CALN1: variants seen among roughly 807,000 people sequenced by gnomAD.
The protein encoded by CALN1 is calneuron 1.
CALN1 carries 17 observed loss-of-function variants against 30.6 expected under a neutral mutation model. The ratio of observed to expected loss-of-function variants is 0.56; its 90% confidence interval spans 0.38 to 0.83. The LOEUF (loss-of-function observed/expected upper bound fraction) is 0.83. Among genes scored for constraint, CALN1 ranks in the 40% least tolerant of loss-of-function variants. CALN1 has a pLI of 0.00. For synonymous variants in CALN1, 156 were observed against 131.4 expected, an observed-to-expected ratio of 1.19 and a Z score of -1.28; for missense variants, 291 against 354.9, an observed-to-expected ratio of 0.82 and a Z score of 1.45.
chr7:72,127,547 C>T (rs902410287), intron 3 of CALN1, among the ~76,000 whole-genome samples: 8 of 151,914 alleles, frequency 5.3e-5, no homozygotes, highest in Non-Finnish European at 8.8e-5. Flanking sequence ...ATGACAGCAG[C>T]GGAGGAGGGA....
chr7:72,316,166 A>AG (rs1274859953), intron 2 of CALN1, among the ~76,000 whole-genome samples: 9 of 150,782 alleles, frequency 6.0e-5, no homozygotes, highest in African/African-American at 9.7e-5. Context: ...AAAGAAAGAA[A>AG]AAAAAGAATT....
At chr7:72,470,131 G>A in the CALN1 span, among the ~76,000 whole-genome samples, 1 of 152,166 alleles carries the variant, frequency 6.6e-6, no homozygotes, top group African/African-American at 2.4e-5. Context: ...GAACATGGTA[G>A]GCCACTCTGA....
At chr7:72,336,612 G>T in intron 2 of CALN1, 1 of 864,686 alleles carries the variant, frequency 1.2e-6, no homozygotes, top group Non-Finnish European at 1.4e-6. Context: ...ACAGCCCGGG[G>T]GTTTGGACAC....
At position 72,278,773 on chromosome 7, in the gene CALN1, A is replaced by G. The variant is rs183076763; in HGVS notation, c.157T>C (p.Leu53=). 163 of 1,613,866 alleles carry G rather than the reference A, an allele frequency of 1.0e-4. 1 individual carries two copies. The East Asian group carries it at 3.2e-3, about 32-fold the overall frequency. Residue 53 remains leucine, a synonymous_variant, in exon 3 of 7, where the codon TTG becomes CTG. Transcript: ENST00000395275. ...CGGTTGAGGTAATTCCCCTTGTACA[A>G]CAAGCCGGCGGTCACATGGTGGAAC... ...MPFHHVTAGL[L]YKGNYLNRSL...
chr7:72,329,978 T>C (rs929073245), intron 2 of CALN1, among the ~76,000 whole-genome samples: 2 of 147,334 alleles, frequency 1.4e-5, no homozygotes, highest in Admixed American at 6.9e-5. Flanking sequence ...TATAAATACA[T>C]AAATAAATAA....
chr7:71,873,161 G>A (rs1237557703), intron 5 of CALN1, among the ~76,000 whole-genome samples: 2 of 151,668 alleles, frequency 1.3e-5, no homozygotes, highest in African/African-American at 2.4e-5. Flanking sequence ...CCACCACCAC[G>A]CCTGGCTAAT....
intron 3 of CALN1, among the ~76,000 whole-genome samples, chr7:72,195,734 A>G (rs1790942715): frequency 1.3e-5 from 2 of 152,096 alleles, no homozygotes; most frequent in Admixed American, 6.5e-5. Flanking sequence ...AGCACTTAAC[A>G]TTTTCTAGCT....
intron 3 of CALN1, among the ~76,000 whole-genome samples, chr7:72,142,867 T>C (rs1000249392): frequency 6.6e-6 from 1 of 152,010 alleles, no homozygotes. Flanking sequence ...GCAAACAAGG[T>C]CTGGAGTGGA....
the CALN1 span, among the ~76,000 whole-genome samples, chr7:72,478,698 G>C: frequency 6.6e-6 from 1 of 151,916 alleles, no homozygotes; most frequent in African/African-American, 2.4e-5. Context: ...CTGACACTCT[G>C]TTATGCAGAA....
chr7:72,303,928 G>C (rs1380030449), intron 2 of CALN1, among the ~76,000 whole-genome samples: 2 of 152,200 alleles, frequency 1.3e-5, no homozygotes, highest in Non-Finnish European at 2.9e-5. Flanking sequence ...TGTTTCTGCA[G>C]TGAGTAATTA....
chr7:72,138,693 T>C (rs1809674390), intron 3 of CALN1, among the ~76,000 whole-genome samples: 1 of 152,222 alleles, frequency 6.6e-6, no homozygotes. Flanking sequence ...AGAAAAGCCA[T>C]TTCAACATGA....
At chr7:72,333,413 G>A (rs1362190003) in intron 2 of CALN1, among the ~76,000 whole-genome samples, 1 of 152,234 alleles carries the variant, frequency 6.6e-6, no homozygotes, top group Non-Finnish European at 1.5e-5. Context: ...CAGGTTGGAT[G>A]CAACAATGGT....
At position 72,054,480 on chromosome 7, in the gene CALN1, C is replaced by T. The variant is rs13246157; in HGVS notation, c.389-30711G>A. ...ATACATATATATACATATATACATACATATATATATACATATATACATATA... is the reference window on the plus strand; with the variant it reads ...ATACATATATATACATATATACATATATATATATATACATATATACATATA... On this transcript the variant is annotated intron_variant, in intron 4 of 6. Coordinates refer to ENST00000395275, the MANE Select transcript of CALN1 (RefSeq NM_031468.4). Among the ~76,000 whole-genome samples the T allele has an allele frequency of 7.6e-4, 56 of 73,614 alleles. 2 individuals are homozygous for T. The highest frequency in any genetic ancestry group is 3.2e-3 in the South Asian group (5 of 1,582). The allele number at this position is 73,614 out of a possible 152,430, so 48.3% of individuals were successfully genotyped here.
At chr7:72,105,523 C>G (rs1807026002) in intron 4 of CALN1, among the ~76,000 whole-genome samples, 1 of 151,654 alleles carries the variant, frequency 6.6e-6, no homozygotes, top group African/African-American at 2.4e-5. Context: ...AGCTCTGGAC[C>G]AAGACCCTGG....
At chr7:72,442,892 G>C (rs187269151) in intron 1 of CALN1, among the ~76,000 whole-genome samples, 31 of 151,724 alleles carry the variant, frequency 2.0e-4, no homozygotes, top group Non-Finnish European at 3.8e-4. Context: ...CTTTATTAAG[G>C]GTTGTGCTTA....
In CALN1 at chr7:72,271,563, T is replaced by TAAA. The variant is rs1426004146; in HGVS notation, c.244+7122_244+7123insTTT. On this transcript the variant is annotated intron_variant, in intron 3 of 6. Transcript: ENST00000395275. Reference sequence around the variant, plus strand: ...AAGCATGAACCACTGTGCCTGCCTTTTAAAAAAAAAAAATATATATATATA... The same window carrying TAAA: ...AAGCATGAACCACTGTGCCTGCCTTTAAATAAAAAAAAAAAATATATATATATA... 2.6e-5 allele frequency among the ~76,000 whole-genome samples: 2 copies of TAAA among 76,306 alleles called. 1 individual carries two copies. Among genetic ancestry groups the TAAA allele is most frequent in the African/African-American group, 1.6e-4 (2 of 12,602 alleles). 50.1% of individuals were successfully genotyped at this position (76,306 alleles called of 152,430 possible).
At chr7:72,011,031 T>C (rs1800048279) in intron 5 of CALN1, among the ~76,000 whole-genome samples, 1 of 151,274 alleles carries the variant, frequency 6.6e-6, no homozygotes, top group South Asian at 2.1e-4. Context: ...CACGCACCTG[T>C]AGTCCCAGCT....
At chr7:72,458,214 TAA>T in the CALN1 span, among the ~76,000 whole-genome samples, 7 of 103,378 alleles carry the variant, frequency 6.8e-5, no homozygotes, top group South Asian at 4.9e-4. Flanking sequence ...ATATATTTTA[TAA>T]TATATTATAT....
intron 5 of CALN1, among the ~76,000 whole-genome samples, chr7:71,965,277 C>T (rs1429755468): frequency 2.6e-5 from 4 of 152,088 alleles, no homozygotes; most frequent in Non-Finnish European, 4.4e-5. Context: ...GTGATCCTCC[C>T]GCCTCAGCCT....
Sources: gnomAD v4.1 joint callset for allele counts (sites outside exome capture counted in the v4.1 genomes callset) on GRCh38, gnomAD v4.1.1 for gene constraint, MANE v1.5 for transcripts, NCBI Gene and HGNC (gene_info 2026-07-23, HGNC 2026-07-21) for gene names.